Variants in RBFOX1 observed in about 807,000 individuals in gnomAD.
The protein encoded by RBFOX1 is RNA binding fox-1 homolog 1, also known as RNA binding protein fox-1 homolog 1.
In RBFOX1, 8 loss-of-function variants were observed where a neutral mutation model predicts 57.7. That is an observed-to-expected ratio of 0.14 (90% CI 0.08 to 0.25). RBFOX1 has a LOEUF of 0.25. Among genes scored for constraint, RBFOX1 ranks in the 10% least tolerant of loss-of-function variants. The pLI is 1.00. For synonymous variants in RBFOX1, 326 were observed against 222.4 expected (o/e 1.47, Z -4.15); for missense variants, 611 against 548.5 (o/e 1.11, Z -1.14).
chr16:6,413,755 A>G (rs1354242055), intron 2 of RBFOX1, among the ~76,000 whole-genome samples: 3 of 152,170 alleles, frequency 2.0e-5, no homozygotes, highest in African/African-American at 4.8e-5. Flanking sequence ...TACTTAATTA[A>G]CTAAGAATCA....
intron 4 of RBFOX1, among the ~76,000 whole-genome samples, chr16:5,970,257 C>T (rs978364881): frequency 5.3e-5 from 8 of 152,050 alleles, no homozygotes; most frequent in African/African-American, 1.9e-4. Context: ...TGTCTATTTA[C>T]TCATTTTGTT....
At chr16:6,511,967 C>A (rs189355565) in intron 2 of RBFOX1, among the ~76,000 whole-genome samples, 1 of 151,974 alleles carries the variant, frequency 6.6e-6, no homozygotes, top group Non-Finnish European at 1.5e-5. Context: ...CTGAGACTTA[C>A]CCCTACAGGG....
intron 5 of RBFOX1, among the ~76,000 whole-genome samples, chr16:7,567,009 CAA>C (rs2091841969): frequency 6.6e-6 from 1 of 151,624 alleles, no homozygotes. Context: ...ATGGTATCAA[CAA>C]AAGTCACAGC....
At chr16:7,263,422 C>T (rs567326326) in intron 4 of RBFOX1, among the ~76,000 whole-genome samples, 9 of 152,220 alleles carry the variant, frequency 5.9e-5, no homozygotes, top group African/African-American at 2.2e-4. Flanking sequence ...TAGCAGGGCT[C>T]CTTGGAGAGT....
intron 3 of RBFOX1, among the ~76,000 whole-genome samples, chr16:5,812,572 C>G (rs2055473633): frequency 6.6e-6 from 1 of 151,732 alleles, no homozygotes; most frequent in South Asian, 2.1e-4. Context: ...GGATCTTCTC[C>G]CCTTAGCCTT....
chr16:7,594,834 A>G lies in RBFOX1; in HGVS notation c.469-715A>G, dbSNP rs150608494. ...TGTCAAATTCAAAAGCGTGTATGCA[A>G]TTTGAAGAGTGGGGAAAGTATGAGC... On this transcript the variant is annotated intron_variant, in intron 7 of 15. Transcript: ENST00000550418. Among the ~76,000 whole-genome samples the G allele has an allele frequency of 1.4e-4, 22 of 152,326 alleles. 1 individual carries two copies. The East Asian group carries it at 3.3e-3, about 23-fold the overall frequency.
At chr16:7,098,096 G>C (rs899337009) in intron 4 of RBFOX1, among the ~76,000 whole-genome samples, 2 of 152,200 alleles carry the variant, frequency 1.3e-5, no homozygotes, top group African/African-American at 4.8e-5. Flanking sequence ...CAGGCAAGTG[G>C]TACAAGTGAG....
At chr16:7,403,611 A>G (rs1355404766) in intron 4 of RBFOX1, among the ~76,000 whole-genome samples, 3 of 138,398 alleles carry the variant, frequency 2.2e-5, no homozygotes, top group Non-Finnish European at 4.7e-5. Flanking sequence ...CAATGGCACA[A>G]TCTCAGGTCA....
chr16:6,342,825 T>G (rs801995), intron 2 of RBFOX1, among the ~76,000 whole-genome samples: 5,225 of 152,252 alleles, frequency 0.034, 158 homozygotes, highest in African/African-American at 0.078. Flanking sequence ...GCTAATCACC[T>G]TGACATTTTG....
chr16:7,685,085 C>T (rs1353698466), intron 14 of RBFOX1, among the ~76,000 whole-genome samples: 1 of 151,974 alleles, frequency 6.6e-6, no homozygotes, highest in East Asian at 1.9e-4. Flanking sequence ...ATGTAGAATC[C>T]CAAACCCCAG....
intron 2 of RBFOX1, among the ~76,000 whole-genome samples, chr16:6,450,236 C>T (rs1199581723): frequency 6.6e-6 from 1 of 152,158 alleles, no homozygotes; most frequent in Non-Finnish European, 1.5e-5. Context: ...GCATTTGCTT[C>T]CTCATCTATA....
chr16:7,551,088 CAAA>C (rs539169022), intron 5 of RBFOX1, among the ~76,000 whole-genome samples: 1 of 76,722 alleles, frequency 1.3e-5, no homozygotes, highest in African/African-American at 4.9e-5. Flanking sequence ...GAGCGAGACT[CAAA>C]AAAAAAAAAA....
intron 3 of RBFOX1, among the ~76,000 whole-genome samples, chr16:5,674,401 T>G (rs962844654): frequency 6.6e-6 from 1 of 152,144 alleles, no homozygotes; most frequent in Non-Finnish European, 1.5e-5. Context: ...AGCTGAAGTT[T>G]AGTGAGGTAG....
At chr16:6,755,231 G>T (rs1449627235) in intron 3 of RBFOX1, among the ~76,000 whole-genome samples, 1 of 152,178 alleles carries the variant, frequency 6.6e-6, no homozygotes, top group Non-Finnish European at 1.5e-5. Flanking sequence ...GTAATGGGAT[G>T]GCTGGGTCAA....
In RBFOX1 at chr16:7,023,564, T is replaced by TAAAAAAAAAAA. The variant is rs34056673; in HGVS notation, c.-15-28473_-15-28463dup. ...CAACATGGTGAAACTTCGTCTGTAC[T>TAAAAAAAAAAA]AAAAAAAAAAAAAAAAAAAAAAAAA... On this transcript the variant is annotated intron_variant, in intron 3 of 15. Coordinates refer to ENST00000550418, the MANE Select transcript of RBFOX1 (RefSeq NM_018723.4). Among the ~76,000 whole-genome samples, 17 of 43,924 alleles carry TAAAAAAAAAAA rather than the reference T, an allele frequency of 3.9e-4. 1 individual carries two copies. Among genetic ancestry groups the TAAAAAAAAAAA allele is most frequent in the South Asian group, 2.9e-3 (3 of 1,050 alleles). The allele number at this position is 43,924 out of a possible 152,430, so 28.8% of individuals were successfully genotyped here. A position where few individuals can be genotyped will look rare whatever the true frequency, so the allele number is the denominator to read the frequency against.
At chr16:6,468,368 C>T (rs775581544) in intron 2 of RBFOX1, among the ~76,000 whole-genome samples, 19 of 152,206 alleles carry the variant, frequency 1.2e-4, no homozygotes, top group Non-Finnish European at 2.6e-4. Context: ...CTGGGCCATA[C>T]TGCCTGTCAG....
At chr16:5,931,952 C>G (rs1323234184) in intron 4 of RBFOX1, among the ~76,000 whole-genome samples, 1 of 151,076 alleles carries the variant, frequency 6.6e-6, no homozygotes, top group East Asian at 2.0e-4. Context: ...GGACAACAAG[C>G]ATGCACCATC....
chr16:6,344,155 G>C (rs1330915606), intron 2 of RBFOX1, among the ~76,000 whole-genome samples: 1 of 152,038 alleles, frequency 6.6e-6, no homozygotes, highest in Admixed American at 6.6e-5. Context: ...CACCTCCCGG[G>C]TTCAAATGAT....
chr16:6,560,564 G>A (rs1247476648), intron 2 of RBFOX1, among the ~76,000 whole-genome samples: 1 of 152,200 alleles, frequency 6.6e-6, no homozygotes, highest in Non-Finnish European at 1.5e-5. Context: ...CAGGGAATGA[G>A]TTGAGGGAAG....
Sources: gnomAD v4.1 joint callset for allele counts (sites outside exome capture counted in the v4.1 genomes callset) on GRCh38, gnomAD v4.1.1 for gene constraint, MANE v1.5 for transcripts, NCBI Gene and HGNC (gene_info 2026-07-23, HGNC 2026-07-21) for gene names.